The following KIRREL3 variants were observed in gnomAD, a reference collection of about 807,000 sequenced individuals.
KIRREL3 encodes kin of IRRE-like protein 3.
Under a neutral mutation model 89.7 loss-of-function variants are expected in KIRREL3, and 36 were observed. The ratio of observed to expected loss-of-function variants is 0.40; its 90% confidence interval spans 0.31 to 0.53. The LOEUF is 0.53. Ranked by LOEUF, KIRREL3 falls within the 20% of genes least tolerant of loss-of-function variation. The probability of loss-of-function intolerance (pLI) is 0.49; values close to 1 mark genes in which losing one functional copy is unlikely to be tolerated. For synonymous variants in KIRREL3, 445 were observed against 441.4 expected, an observed-to-expected ratio of 1.01 and a Z score of -0.10; for missense variants, 864 against 1,056.6, an observed-to-expected ratio of 0.82 and a Z score of 2.53.
Position 126,943,230 on chromosome 11 carries a change from C to T in KIRREL3, c.55+57225G>A, listed in dbSNP as rs932315902. On this transcript the variant is annotated intron_variant, in intron 1 of 16. Transcript: ENST00000525144. This position sits in a 1 kb window ranked among gnomAD's most constrained non-coding sequence, Gnocchi z 4.2. ...GGTGTTTCTGGGCCTTAAGCAGCTCCCATGGTAAAACATTCACCGTCATTC... is the reference window on the plus strand; with the variant it reads ...GGTGTTTCTGGGCCTTAAGCAGCTCTCATGGTAAAACATTCACCGTCATTC... Among the ~76,000 whole-genome samples, 1 of 152,140 alleles carries T rather than the reference C, an allele frequency of 6.6e-6. No individual in the cohort carries two copies. The highest frequency in any genetic ancestry group is 2.4e-5 in the African/African-American group (1 of 41,428).
rs895016393 is a variant in KIRREL3 at position 126,897,059 on chromosome 11, C to A, written c.55+103396G>T. ...GCAGCCTTCTCCTCTCTCTTCCCTG[C>A]TCTTCCTCTTATCCAAGTTATTAAA... is the stretch of plus-strand genomic sequence containing the variant. On this transcript the variant is annotated intron_variant, in intron 1 of 16. Transcript: ENST00000525144. The surrounding 1 kb of genome is among the most constrained non-coding windows in gnomAD (Gnocchi z 4.2). 2.3e-4 allele frequency among the ~76,000 whole-genome samples: 35 copies of A among 152,150 alleles called. No homozygotes were observed. The highest frequency in any genetic ancestry group is 8.4e-4 in the African/African-American group (35 of 41,428).
chr11:126,988,426 C>G (rs634571), intron 1 of KIRREL3: 19,061 of 152,832 alleles, frequency 0.12, 1,386 homozygotes, highest in Middle Eastern at 0.21. Flanking sequence ...CCGGCCAGGG[C>G]AGGGGTTTCT....
chr11:126,787,783 G>T (rs539599527), intron 1 of KIRREL3, among the ~76,000 whole-genome samples: 1 of 152,202 alleles, frequency 6.6e-6, no homozygotes, highest in Non-Finnish European at 1.5e-5. Flanking sequence ...AGCAGATACA[G>T]GTTGCCTTAG....
At chr11:126,502,075 A>G (rs993122597) in intron 4 of KIRREL3, among the ~76,000 whole-genome samples, 2 of 152,216 alleles carry the variant, frequency 1.3e-5, no homozygotes, top group African/African-American at 2.4e-5. Context: ...TTAAACATGG[A>G]TAATGAATGT....
Position 126,978,972 on chromosome 11 carries a change from T to C in KIRREL3, c.55+21483A>G, listed in dbSNP as rs529255492. 3.3e-5 allele frequency among the ~76,000 whole-genome samples: 5 copies of C among 152,272 alleles called. No individual in the cohort carries two copies. The highest frequency in any genetic ancestry group is 7.4e-5 in the Non-Finnish European group (5 of 68,008). On this transcript the variant is annotated intron_variant, in intron 1 of 16. Coordinates refer to ENST00000525144, the MANE Select transcript of KIRREL3 (RefSeq NM_032531.4). The surrounding 1 kb of genome is among the most constrained non-coding windows in gnomAD (Gnocchi z 4.2). Reference sequence around the variant, plus strand: ...AGAAAACAACAAGGGTTGCCAGAAATGGGAAACATAATTTCAAGGGGGAGA... The same window carrying C: ...AGAAAACAACAAGGGTTGCCAGAAACGGGAAACATAATTTCAAGGGGGAGA...
rs1249606133 is a variant in KIRREL3 at position 126,537,577 on chromosome 11, C to CA, written c.134-10891dup. On this transcript the variant is annotated intron_variant, in intron 2 of 16. Transcript: ENST00000525144. The surrounding 1 kb of genome is among the most constrained non-coding windows in gnomAD (Gnocchi z 4.3). ...TGCCTGGAGTACCTAACCGATGGGT[C>CA]ACCTGTCGGAGCCTGGGTCCTGGAC... Among the ~76,000 whole-genome samples the CA allele has an allele frequency of 2.6e-5, 4 of 152,098 alleles. No individual in the cohort carries two copies. The highest frequency in any genetic ancestry group is 5.9e-5 in the Non-Finnish European group (4 of 68,022).
intron 1 of KIRREL3, among the ~76,000 whole-genome samples, chr11:126,934,006 A>G: frequency 6.6e-6 from 1 of 151,778 alleles, no homozygotes; most frequent in Non-Finnish European, 1.5e-5. Flanking sequence ...AAGACAAAAA[A>G]AAAAAAAAAT....
rs1226226734 is a variant in KIRREL3 at position 126,601,997 on chromosome 11, C to G, written c.56-39085G>C. On this transcript the variant is annotated intron_variant, in intron 1 of 16. Transcript: ENST00000525144. The surrounding 1 kb of genome is among the most constrained non-coding windows in gnomAD (Gnocchi z 5.8). ...ACAGAGTCACAGAAGCTGACCGCTG[C>G]GAGGCAGGGGCTGCGGCCTTTTCCC... Among the ~76,000 whole-genome samples, 1 of 152,186 alleles carries G rather than the reference C, an allele frequency of 6.6e-6. No homozygotes were observed. The highest frequency in any genetic ancestry group is 1.9e-4 in the East Asian group (1 of 5,194).
intron 1 of KIRREL3, among the ~76,000 whole-genome samples, chr11:126,787,513 C>T (rs1319751124): frequency 6.6e-6 from 1 of 152,166 alleles, no homozygotes; most frequent in African/African-American, 2.4e-5. Context: ...ACTTTTCATG[C>T]AAACTTCTGG....
chr11:126,512,048 C>G (rs1958240488), intron 4 of KIRREL3, among the ~76,000 whole-genome samples: 1 of 152,206 alleles, frequency 6.6e-6, no homozygotes, highest in Non-Finnish European at 1.5e-5. Context: ...GCCTGCCCCT[C>G]CCTCAGTTGG....
At chr11:126,466,941 C>T (rs543365836) in intron 5 of KIRREL3, among the ~76,000 whole-genome samples, 367 of 152,334 alleles carry the variant, frequency 2.4e-3, no homozygotes, top group African/African-American at 8.3e-3. Context: ...TGAGCACTAA[C>T]GTGCTGCCAG....
At chr11:126,730,105 G>A (rs928794098) in intron 1 of KIRREL3, among the ~76,000 whole-genome samples, 1 of 152,114 alleles carries the variant, frequency 6.6e-6, no homozygotes, top group African/African-American at 2.4e-5. Flanking sequence ...TCTATCCCCA[G>A]CCGTCTTCTC....
intron 1 of KIRREL3, among the ~76,000 whole-genome samples, chr11:126,894,572 G>GAAAAA (rs1946070339): frequency 9.1e-6 from 1 of 109,378 alleles, no homozygotes; most frequent in Non-Finnish European, 1.9e-5. Context: ...AAAAAAAAAG[G>GAAAAA]AAAAGAAAGA....
Position 126,898,158 on chromosome 11 carries a change from G to A in KIRREL3, c.55+102297C>T, listed in dbSNP as rs555083188. ...CTCTGATGCCACAGTCGCCTATCTC[G>A]TGGACAGGTGGAAGTAAAGAGTTAG... On this transcript the variant is annotated intron_variant, in intron 1 of 16. Transcript: ENST00000525144. The surrounding 1 kb of genome is among the most constrained non-coding windows in gnomAD (Gnocchi z 4.9). Among the ~76,000 whole-genome samples, 3 of 152,248 alleles carry A rather than the reference G, an allele frequency of 2.0e-5. No homozygotes were observed. The highest frequency in any genetic ancestry group is 2.1e-4 in the South Asian group (1 of 4,822).
chr11:127,001,367 G>T (rs1273352772), upstream of KIRREL3, among the ~76,000 whole-genome samples: 3 of 149,716 alleles, frequency 2.0e-5, no homozygotes, highest in Non-Finnish European at 3.0e-5. Context: ...AGTTTGCTTT[G>T]CACTGCTCCT....
chr11:126,621,261 A>G (rs959431688), intron 1 of KIRREL3, among the ~76,000 whole-genome samples: 5 of 152,214 alleles, frequency 3.3e-5, no homozygotes, highest in Middle Eastern at 3.2e-3. Context: ...GATTTGGGTT[A>G]CTTTAATAGG....
intron 1 of KIRREL3, among the ~76,000 whole-genome samples, chr11:126,738,485 G>T (rs1444710717): frequency 6.6e-6 from 1 of 152,146 alleles, no homozygotes; most frequent in African/African-American, 2.4e-5. Flanking sequence ...GTGATGCGGG[G>T]TTTGCACAGA....
At chr11:126,467,936 C>T (rs1303297132) in intron 5 of KIRREL3, among the ~76,000 whole-genome samples, 1 of 152,118 alleles carries the variant, frequency 6.6e-6, no homozygotes, top group South Asian at 2.1e-4. Flanking sequence ...AGGGTGAGGG[C>T]CCTATGCATG....
At position 126,921,618 on chromosome 11, in the gene KIRREL3, CTATCTTCCTATCT is replaced by C. The variant is rs778391282; in HGVS notation, c.55+78824_55+78836del. On this transcript the variant is annotated intron_variant, in intron 1 of 16. Coordinates refer to ENST00000525144, the MANE Select transcript of KIRREL3 (RefSeq NM_032531.4). ...TCTATCTATCTATCTATCTATCTAT[CTATCTTCCTATCT>C]ATCCATCCATCTTCCTGTGTTCCTA... 9.8e-3 allele frequency among the ~76,000 whole-genome samples: 760 copies of C among 77,548 alleles called. 77 individuals are homozygous for C. Among genetic ancestry groups the C allele is most frequent in the Non-Finnish European group, 0.013 (460 of 36,082 alleles). The allele number at this position is 77,548 out of a possible 152,430, so 50.9% of individuals were successfully genotyped here.
Sources: gnomAD v4.1 joint callset for allele counts (sites outside exome capture counted in the v4.1 genomes callset) on GRCh38, gnomAD v4.1.1 for gene constraint, Gnocchi (gnomAD v3.1) non-coding constraint, MANE v1.5 for transcripts, NCBI Gene and HGNC (gene_info 2026-07-23, HGNC 2026-07-21) for gene names.